The following CAMTA1 variants were observed in gnomAD, a reference collection of about 807,000 sequenced individuals.
The protein encoded by CAMTA1 is calmodulin-binding transcription activator 1.
CAMTA1 carries 27 observed loss-of-function variants against 170.9 expected under a neutral mutation model. The ratio of observed to expected loss-of-function variants is 0.16; its 90% CI spans 0.12 to 0.22. The LOEUF (loss-of-function observed/expected upper bound fraction) is 0.22, where lower values mean the gene tolerates loss of function less well. Ranked by LOEUF, CAMTA1 falls within the 10% of genes least tolerant of loss-of-function variation. The pLI is 1.00. For synonymous variants in CAMTA1, 833 were observed against 891.5 expected (o/e 0.93, Z 1.17); for missense variants, 1,619 against 2,217.2 (o/e 0.73, Z 5.42).
At chr1:7,284,177 C>CTTCTTCTTCTTCTTCTTCTTA (rs1333698169) in intron 5 of CAMTA1, among the ~76,000 whole-genome samples, 3 of 99,308 alleles carry the variant, frequency 3.0e-5, no homozygotes, top group Non-Finnish European at 6.0e-5. Context: ...TCTTCTTCTT[C>CTTCTTCTTCTTCTTCTTCTTA]TTATTATTAT....
intron 4 of CAMTA1, among the ~76,000 whole-genome samples, chr1:7,164,139 C>T (rs1558190840): frequency 6.6e-6 from 1 of 152,136 alleles, no homozygotes; most frequent in African/African-American, 2.4e-5. Context: ...TCGCTCCCCA[C>T]GTTTCTTCTC....
intron 5 of CAMTA1, among the ~76,000 whole-genome samples, chr1:7,400,306 G>A (rs565320371): frequency 6.6e-6 from 1 of 152,212 alleles, no homozygotes; most frequent in South Asian, 2.1e-4. Flanking sequence ...TTCTTCAGCT[G>A]TAAGACTTTG....
intron 3 of CAMTA1, among the ~76,000 whole-genome samples, chr1:6,844,690 CAAAAAAAAA>C (rs1180942073): frequency 1.9e-5 from 1 of 52,064 alleles, no homozygotes; most frequent in Non-Finnish European, 3.4e-5. Flanking sequence ...ACCCTGTGTC[CAAAAAAAAA>C]AAAAAAAAAA....
At chr1:7,338,567 T>C (rs1231433660) in intron 5 of CAMTA1, among the ~76,000 whole-genome samples, 1 of 152,126 alleles carries the variant, frequency 6.6e-6, no homozygotes, top group Admixed American at 6.5e-5. Context: ...GTGTTGGAGA[T>C]AGTGAACAAG....
rs1171812638 is a variant in CAMTA1 at position 7,415,028 on chromosome 1, T to G, written c.439-52802T>G. 1.6e-4 allele frequency among the ~76,000 whole-genome samples: 25 copies of G among 151,826 alleles called. No homozygotes were observed. In the South Asian group the frequency reaches 4.2e-3, roughly 25 times the overall value. On this transcript the variant is annotated intron_variant, in intron 5 of 22. Transcript: ENST00000303635. ...CATTTCGTTATGTACCCAGTAGTCA[T>G]TCAGGAGCAGGTTGTTCAGTTTCCA...
At chr1:6,978,993 C>T (rs1001480430) in intron 3 of CAMTA1, among the ~76,000 whole-genome samples, 8 of 152,186 alleles carry the variant, frequency 5.3e-5, no homozygotes, top group Non-Finnish European at 1.2e-4. Context: ...GGGGAGCTCG[C>T]TCTCCCTTGC....
At chr1:7,468,000 G>C in intron 6 of CAMTA1, 99 bp downstream of exon 6, 2 of 963,760 alleles carry the variant, frequency 2.1e-6, no homozygotes, top group Non-Finnish European at 3.3e-6. Flanking sequence ...ACACGGCTTC[G>C]GGCTGAGAGC....
intron 4 of CAMTA1, among the ~76,000 whole-genome samples, chr1:7,225,323 A>G (rs917870883): frequency 2.0e-5 from 3 of 152,128 alleles, no homozygotes; most frequent in Non-Finnish European, 2.9e-5. Flanking sequence ...TGACCTCGTG[A>G]TCCGCCTGCC....
chr1:7,457,371 A>G (rs1229766516), intron 5 of CAMTA1, among the ~76,000 whole-genome samples: 1 of 151,868 alleles, frequency 6.6e-6, no homozygotes, highest in Admixed American at 6.6e-5. Flanking sequence ...CGCTTTATTT[A>G]GATGTTTCCC....
rs371596141 is a variant in CAMTA1, at chr1:7,729,269, A to G, written c.2915-3179A>G. On this transcript the variant is annotated intron_variant, in intron 11 of 22. Coordinates refer to ENST00000303635, the MANE Select transcript of CAMTA1 (RefSeq NM_015215.4). ...GTAGCTGGGACTACAGGCATACACC[A>G]CCACACCCAGCTAGCTTTTTTTGTG... is the stretch of plus-strand genomic sequence containing the variant. Among the ~76,000 whole-genome samples, 4 of 151,912 alleles carry G rather than the reference A, an allele frequency of 2.6e-5. 1 individual carries two copies.
chr1:6,973,606 T>G lies in CAMTA1; in HGVS notation c.235-117698T>G, dbSNP rs541514356. 4.6e-5 allele frequency among the ~76,000 whole-genome samples: 7 copies of G among 152,360 alleles called. No homozygotes were observed. In the South Asian group the frequency reaches 1.4e-3, roughly 32 times the overall value. ...GGGCACGGGAGTGCTAATATCTCTT[T>G]GAGATTCAGATATGACTTGTTTTGG... On this transcript the variant is annotated intron_variant, in intron 3 of 22. Transcript: ENST00000303635.
intron 6 of CAMTA1, among the ~76,000 whole-genome samples, chr1:7,622,948 G>A (rs973427969): frequency 4.6e-5 from 7 of 152,184 alleles, no homozygotes; most frequent in African/African-American, 1.4e-4. Flanking sequence ...TCTGTCCTGA[G>A]GTCTTCGTCC....
At chr1:7,292,835 A>T (rs1181990112) in intron 5 of CAMTA1, among the ~76,000 whole-genome samples, 5 of 152,092 alleles carry the variant, frequency 3.3e-5, no homozygotes, top group Non-Finnish European at 5.9e-5. Flanking sequence ...TCCCTTTGAG[A>T]AGACAACTGA....
intron 22 of CAMTA1, among the ~76,000 whole-genome samples, chr1:7,761,169 C>T (rs566401853): frequency 1.3e-5 from 2 of 152,302 alleles, no homozygotes; most frequent in Admixed American, 1.3e-4. Context: ...TGGGGAAATA[C>T]TGGGATTGTC....
At chr1:7,091,450 T>G in intron 4 of CAMTA1, 79 bp downstream of exon 4, 5 of 1,105,634 alleles carry the variant, frequency 4.5e-6, no homozygotes, top group South Asian at 1.3e-5. Context: ...ATTTGGCCAG[T>G]GAATTCATGG....
chr1:7,405,396 G>A (rs1198210956), intron 5 of CAMTA1, among the ~76,000 whole-genome samples: 2 of 151,704 alleles, frequency 1.3e-5, no homozygotes, highest in Admixed American at 6.6e-5. Flanking sequence ...TTTGAGATAG[G>A]GTCTCACTCT....
rs1045934637 is a variant in CAMTA1 at position 7,565,932 on chromosome 1, G to A, written c.511-74468G>A. 2.7e-5 allele frequency among the ~76,000 whole-genome samples: 4 copies of A among 148,488 alleles called. No individual in the cohort carries two copies. Among genetic ancestry groups the A allele is most frequent in the Non-Finnish European group, 4.4e-5 (3 of 68,012 alleles). ...TGTGTCCTCACATAGTAGGGAGAGA[G>A]AGAGAGAGAGAGAGAGAATCTTACT... is the stretch of plus-strand genomic sequence containing the variant. On this transcript the variant is annotated intron_variant, in intron 6 of 22. Coordinates refer to ENST00000303635, the MANE Select transcript of CAMTA1 (RefSeq NM_015215.4). The surrounding 1 kb of genome is among the most constrained non-coding windows in gnomAD (Gnocchi z 4.5).
intron 3 of CAMTA1, among the ~76,000 whole-genome samples, chr1:7,035,515 G>A (rs180820542): frequency 6.6e-6 from 1 of 152,352 alleles, no homozygotes. Flanking sequence ...TGAAGAATAT[G>A]TGATTACCAG....
intron 3 of CAMTA1, among the ~76,000 whole-genome samples, chr1:7,051,899 G>A (rs1194663032): frequency 6.6e-6 from 1 of 152,044 alleles, no homozygotes; most frequent in Non-Finnish European, 1.5e-5. Context: ...CCAGCTCCTG[G>A]AACATTCTGT....
Sources: allele counts gnomAD v4.1 joint callset (sites outside exome capture counted in the v4.1 genomes callset), GRCh38; gene constraint gnomAD v4.1.1; non-coding constraint Gnocchi (gnomAD v3.1); transcripts MANE v1.5; gene names NCBI Gene and HGNC (gene_info 2026-07-23, HGNC 2026-07-21).